Variants in GLUD1 observed in about 807,000 individuals in gnomAD.
The protein encoded by GLUD1 is glutamate dehydrogenase 1, mitochondrial.
Under a neutral mutation model 56.0 loss-of-function variants are expected in GLUD1, and 22 were observed. That is an observed-to-expected ratio of 0.39 (90% confidence interval 0.28 to 0.56). The LOEUF (loss-of-function observed/expected upper bound fraction) is 0.56. Ranked by LOEUF, GLUD1 falls within the 20% of genes least tolerant of loss-of-function variation. The probability of loss-of-function intolerance (pLI) is 0.58; values close to 1 mark genes in which losing one functional copy is unlikely to be tolerated. For missense variants in GLUD1, 451 were observed against 732.0 expected, an observed-to-expected ratio of 0.62 and a Z score of 4.43; for synonymous variants, 223 against 269.9, an observed-to-expected ratio of 0.83 and a Z score of 1.70.
chr10:87,072,866 T>C (rs1234785892), intron 4 of GLUD1, among the ~76,000 whole-genome samples: 1 of 152,222 alleles, frequency 6.6e-6, no homozygotes, highest in African/African-American at 2.4e-5. Context: ...ATGACTTCAA[T>C]TCACCATATC....
intron 11 of GLUD1, among the ~76,000 whole-genome samples, chr10:87,055,778 A>C (rs1845755458): frequency 6.6e-6 from 1 of 152,162 alleles, no homozygotes; most frequent in Non-Finnish European, 1.5e-5. Context: ...CCATGTTGCA[A>C]TATAGTCTCA....
At chr10:87,078,723 G>A (rs533680953) in intron 1 of GLUD1, among the ~76,000 whole-genome samples, 137 of 152,266 alleles carry the variant, frequency 9.0e-4, no homozygotes, top group Middle Eastern at 3.4e-3. Context: ...AGGACTCAAA[G>A]TATACAAAAC....
At chr10:87,080,172 G>A (rs1359240694) in intron 1 of GLUD1, among the ~76,000 whole-genome samples, 10 of 151,968 alleles carry the variant, frequency 6.6e-5, no homozygotes, top group Non-Finnish European at 1.2e-4. Flanking sequence ...GCTCCTAACC[G>A]CGAGTGATCC....
rs557824275 is a variant in GLUD1 at position 87,084,182 on chromosome 10, C to T, written c.446-7526G>A. On this transcript the variant is annotated intron_variant, in intron 1 of 12. Transcript: ENST00000277865. ...GGAGGAAGGGCAGGGGATAGAATGA[C>T]GTATGTACTACAATGGGAACTTTTA... Among the ~76,000 whole-genome samples the T allele has an allele frequency of 3.4e-4, 52 of 152,340 alleles. 1 individual carries two copies. The highest frequency in any genetic ancestry group is 1.0e-3 in the African/African-American group (43 of 41,578).
intron 12 of GLUD1, among the ~76,000 whole-genome samples, 188 bp downstream of exon 12, chr10:87,053,154 T>C (rs567657245): frequency 2.0e-5 from 3 of 152,270 alleles, no homozygotes; most frequent in African/African-American, 7.2e-5. Flanking sequence ...CTCAAAAACA[T>C]ATTTGAAGAC....
At chr10:87,073,917 G>A (rs71473300) in intron 4 of GLUD1, among the ~76,000 whole-genome samples, 47,687 of 151,718 alleles carry the variant, frequency 0.31, 7,793 homozygotes, top group Middle Eastern at 0.36. Flanking sequence ...CACCACGCTC[G>A]GCAGTAAGTA....
At chr10:87,057,223 G>A (rs1408460950) in intron 11 of GLUD1, among the ~76,000 whole-genome samples, 3 of 152,090 alleles carry the variant, frequency 2.0e-5, no homozygotes, top group African/African-American at 4.8e-5. Context: ...ACTTGACTTC[G>A]TGATCCACCC....
chr10:87,061,832 G>A (rs1176780995), intron 6 of GLUD1, among the ~76,000 whole-genome samples: 1 of 151,912 alleles, frequency 6.6e-6, no homozygotes, highest in East Asian at 1.9e-4. Flanking sequence ...CACCCAGGCT[G>A]GAGTGCAGTG....
At chr10:87,060,299 T>G (rs1845895606) in intron 8 of GLUD1, 58 bp from the exon 9 acceptor site, 6 of 1,103,786 alleles carry the variant, frequency 5.4e-6, no homozygotes, top group African/African-American at 3.1e-5. Flanking sequence ...TCCCCTCCAC[T>G]GAGGGCAAGA....
intron 1 of GLUD1, among the ~76,000 whole-genome samples, chr10:87,086,197 TG>T (rs1841377970): frequency 6.6e-6 from 1 of 152,226 alleles, no homozygotes; most frequent in African/African-American, 2.4e-5. Flanking sequence ...AGTACGTGCC[TG>T]GATTTCCAAT....
intron 2 of GLUD1, 40 bp downstream of exon 2, chr10:87,076,536 C>T: frequency 1.8e-6 from 2 of 1,139,502 alleles, no homozygotes; most frequent in Non-Finnish European, 2.7e-6. Flanking sequence ...ACATATTTCC[C>T]CAGAGTTCTC....
chr10:87,092,623 G>A, intron 1 of GLUD1: 2 of 982,082 alleles, frequency 2.0e-6, no homozygotes, highest in Non-Finnish European at 2.4e-6. Flanking sequence ...TTGCGGAGCT[G>A]CGACTTATAA....
chr10:87,052,418 G>A (rs2133774500), intron 12 of GLUD1, among the ~76,000 whole-genome samples: 1 of 152,232 alleles, frequency 6.6e-6, no homozygotes, highest in South Asian at 2.1e-4. Flanking sequence ...AAGCCAGGAG[G>A]CGGTGGTTGC....
At chr10:87,053,432 C>A (rs763598451) in intron 11 of GLUD1, 28 bp from the exon 12 acceptor site, 1 of 1,415,782 alleles carries the variant, frequency 7.1e-7, no homozygotes, top group East Asian at 2.3e-5. Flanking sequence ...ACAAGTTTAA[C>A]AAAACCACAA....
chr10:87,079,244 A>G (rs373127938), intron 1 of GLUD1, among the ~76,000 whole-genome samples: 14 of 151,858 alleles, frequency 9.2e-5, no homozygotes, highest in African/African-American at 3.4e-4. Flanking sequence ...AAAACTGTAA[A>G]TAATATTAAG....
chr10:87,091,243 T>TGG (rs11306284), intron 1 of GLUD1, among the ~76,000 whole-genome samples: 2 of 151,294 alleles, frequency 1.3e-5, no homozygotes, highest in Non-Finnish European at 3.0e-5. Context: ...TCAAGACAAC[T>TGG]GGGGGGGGGC....
chr10:87,060,620 C>T lies in GLUD1; in HGVS notation c.1197+68G>A. 2.5e-6 allele frequency: 4 copies of T among 1,578,842 alleles called. No individual in the cohort carries two copies. In the South Asian group the frequency reaches 4.4e-5, roughly 17 times the overall value. ...AAAAGAAAGAGAAAACTCAATCAGACTCTTCTATGACCCCCCTAACGTCAT... is the reference window on the plus strand; with the variant it reads ...AAAAGAAAGAGAAAACTCAATCAGATTCTTCTATGACCCCCCTAACGTCAT... On this transcript the variant is annotated intron_variant, in intron 8 of 12. Transcript: ENST00000277865.
chr10:87,076,967 G>A (rs1161806493), intron 1 of GLUD1, among the ~76,000 whole-genome samples: 1 of 152,078 alleles, frequency 6.6e-6, no homozygotes, highest in East Asian at 1.9e-4. Flanking sequence ...CCTTTGGTTT[G>A]GGTGACCTGG....
At chr10:87,067,124 G>A (rs1846098576) in intron 5 of GLUD1, among the ~76,000 whole-genome samples, 1 of 152,260 alleles carries the variant, frequency 6.6e-6, no homozygotes, top group Non-Finnish European at 1.5e-5. Flanking sequence ...GCTGGACACT[G>A]CTGCCAGCCT....
Sources: gnomAD v4.1 joint callset for allele counts (sites outside exome capture counted in the v4.1 genomes callset) on GRCh38, gnomAD v4.1.1 for gene constraint, MANE v1.5 for transcripts, NCBI Gene and HGNC (gene_info 2026-07-23, HGNC 2026-07-21) for gene names.